PRMT5: variants seen among roughly 807,000 people sequenced by gnomAD.
The protein encoded by PRMT5 is protein arginine methyltransferase 5.
In PRMT5, 15 loss-of-function variants were observed where a neutral mutation model predicts 84.0. The observed-to-expected ratio is 0.18, with a 90% CI of 0.12 to 0.28. The LOEUF (loss-of-function observed/expected upper bound fraction) is 0.28. PRMT5 is among the 10% of genes least tolerant of loss of function. The pLI, the probability that PRMT5 is intolerant of heterozygous loss-of-function variation, is 1.00. For missense variants in PRMT5, 486 were observed against 808.0 expected (o/e 0.60, Z 4.83); for synonymous variants, 276 against 292.4 (o/e 0.94, Z 0.57).
In PRMT5 at chr14:22,924,215, G is replaced by A. The variant is rs751070119; in HGVS notation, c.1200-32C>T. 6.2e-7 allele frequency: 1 copy of A among 1,611,708 alleles called. No individual in the cohort carries two copies. The highest frequency in any genetic ancestry group is 1.1e-5 in the South Asian group (1 of 90,884). On this transcript the variant is annotated intron_variant, in intron 11 of 16. Transcript: ENST00000324366. This position sits in a 1 kb window ranked among gnomAD's most constrained non-coding sequence, Gnocchi z 6.5. ...CAGAGACAATAAGGTAAGGAGAGATGTTAAGGAAATTTGGCAATGAGGACT... is the reference window on the plus strand; with the variant it reads ...CAGAGACAATAAGGTAAGGAGAGATATTAAGGAAATTTGGCAATGAGGACT...
At chr14:22,922,686 G>C in intron 14 of PRMT5, 56 bp downstream of exon 14, 1 of 1,556,950 alleles carries the variant, frequency 6.4e-7, no homozygotes, top group Non-Finnish European at 8.9e-7. Flanking sequence ...AAGAAAGCAG[G>C]AGGAAGGAAG....
chr14:22,924,721 G>C lies in PRMT5; in HGVS notation c.940-12C>G. 1 of 1,612,824 alleles carries C rather than the reference G, an allele frequency of 6.2e-7. No homozygotes were observed. The highest frequency in any genetic ancestry group is 8.5e-7 in the Non-Finnish European group (1 of 1,179,206). ...TTGTCCATCAGTGGCTGATGAATGA[G>C]GAAAAGGACAAAGTTAGCCAGTTTC... On this transcript the variant is annotated splice_polypyrimidine_tract_variant and intron_variant, in intron 8 of 16. Transcript: ENST00000324366. This position sits in a 1 kb window ranked among gnomAD's most constrained non-coding sequence, Gnocchi z 6.5.
chr14:22,927,724 T>G, intron 3 of PRMT5, 64 bp from the exon 4 acceptor site: 1 of 1,482,018 alleles, frequency 6.7e-7, no homozygotes, highest in Non-Finnish European at 9.2e-7. Context: ...TTTTTTTTTT[T>G]TGAGACAAAG....
intron 3 of PRMT5, 27 bp from the exon 4 acceptor site, chr14:22,927,687 T>G (rs1273323273): frequency 4.4e-6 from 7 of 1,602,014 alleles, no homozygotes; most frequent in Non-Finnish European, 8.5e-7. Flanking sequence ...GAGGAAAAGT[T>G]TGAGCTAACA....
In PRMT5 at chr14:22,928,131, C is replaced by T. The variant is rs1271702337; in HGVS notation, c.310G>A (p.Glu104Lys). The T allele has an allele frequency of 6.2e-7, 1 of 1,613,948 alleles. No individual in the cohort carries two copies. The highest frequency in any genetic ancestry group is 8.5e-7 in the Non-Finnish European group (1 of 1,179,930). The change falls in exon 3 of 17, where the codon GAG becomes AAG. Residue 104 changes from glutamate (E) to lysine (K), a missense_variant. Glu to Lys is a moderately conservative substitution (Grantham distance 56). Around this residue, in one of 4 missense-constraint regions of PRMT5, gnomAD observed 215 missense variants for 301.1 expected, o/e 0.71. Transcript: ENST00000324366. This position sits in a 1 kb window ranked among gnomAD's most constrained non-coding sequence, Gnocchi z 4.8. ...SKVEKIRRNS[E>K]AAMLQELNFG... is the part of the protein sequence containing the mutation. Reference sequence around the variant, plus strand: ...GAGAAGTCAAACAGTCTTACCGCCTCGGAGTTCCTGCGAATCTTCTCCACT... The same window carrying T: ...GAGAAGTCAAACAGTCTTACCGCCTTGGAGTTCCTGCGAATCTTCTCCACT...
At chr14:22,921,756 A>G (rs1594508846) in intron 16 of PRMT5, among the ~76,000 whole-genome samples, 1 of 152,026 alleles carries the variant, frequency 6.6e-6, no homozygotes, top group South Asian at 2.1e-4. Flanking sequence ...GGTGGCTGGC[A>G]CCTGTAATCT....
In PRMT5 at chr14:22,920,928, G is replaced by A. The variant is rs754159350; in HGVS notation, c.1890C>T (p.Gly630=). ...GCTAGAGGCCAATGGTATATGAGCG[G>A]CCTGTGGGGTTATGAATAGCAGAAC... ...PVCSAIHNPT[G]RSYTIGL The change falls in exon 17 of 17, where the codon GGC becomes GGT. Residue 630 remains glycine (G), a synonymous_variant. Coordinates refer to ENST00000324366, the MANE Select transcript of PRMT5 (RefSeq NM_006109.5). 1 of 1,614,128 alleles carries A rather than the reference G, an allele frequency of 6.2e-7. No homozygotes were observed. The highest frequency in any genetic ancestry group is 1.7e-5 in the Admixed American group (1 of 60,006).
Position 22,923,060 on chromosome 14 carries a change from A to G in PRMT5, c.1476T>C (p.Arg492=), listed in dbSNP as rs1160264323. The G allele has an allele frequency of 5.0e-6, 8 of 1,609,700 alleles. No homozygotes were observed. Among genetic ancestry groups the G allele is most frequent in the Non-Finnish European group, 6.8e-6 (8 of 1,177,146 alleles). The change falls in exon 13 of 17, where the codon CGT becomes CGC. Residue 492 remains arginine (R), a synonymous_variant. Transcript: ENST00000324366. This position sits in a 1 kb window ranked among gnomAD's most constrained non-coding sequence, Gnocchi z 5.2. ...NEVRACREKD[R]DPEAQFEMPY... ...GAGAGTGGTTCTTTACCTCAGGGTCACGGTCCTTCTCCCTACAGGCTCGGA... is the reference window on the plus strand; with the variant it reads ...GAGAGTGGTTCTTTACCTCAGGGTCGCGGTCCTTCTCCCTACAGGCTCGGA...
rs1555354203 is a variant in PRMT5, at chr14:22,928,877, T to C, written c.111-262A>G. 4.6e-5 allele frequency among the ~76,000 whole-genome samples: 7 copies of C among 151,390 alleles called. No homozygotes were observed. On this transcript the variant is annotated intron_variant, in intron 1 of 16. Transcript: ENST00000324366. This position sits in a 1 kb window ranked among gnomAD's most constrained non-coding sequence, Gnocchi z 4.8. ...CAAGTAGAATTTTTTTCTCCTCAGG[T>C]GTCAGTATGTTTCCAAGACCATCAC...
chr14:22,926,049 G>T, intron 7 of PRMT5, 84 bp downstream of exon 7: 1 of 1,365,042 alleles, frequency 7.3e-7, no homozygotes. Flanking sequence ...AAAAGAGTCA[G>T]CCTCACAGGA....
Position 22,920,653 on chromosome 14 carries a change from G to T in PRMT5, c.*251C>A, listed in dbSNP as rs1173185623. The T allele has an allele frequency of 8.7e-6, 6 of 692,822 alleles. No individual in the cohort carries two copies. The highest frequency in any genetic ancestry group is 5.3e-5 in the African/African-American group (3 of 56,818). 42.9% of individuals were successfully genotyped at this position (692,822 alleles called of 1,614,324 possible). A position where few individuals can be genotyped will look rare whatever the true frequency, so the allele number is the denominator to read the frequency against. Reference sequence around the variant, plus strand: ...CAGGGATATTCCAGGGAGTTCTTGAGGCTGAGTGCGTAGCTTCAAATCCAG... The same window carrying T: ...CAGGGATATTCCAGGGAGTTCTTGATGCTGAGTGCGTAGCTTCAAATCCAG... On this transcript the variant is annotated 3_prime_UTR_variant, in exon 17 of 17. Coordinates refer to ENST00000324366, the MANE Select transcript of PRMT5 (RefSeq NM_006109.5).
At position 22,926,748 on chromosome 14, in the gene PRMT5, T is replaced by C. The variant is rs2044429248; in HGVS notation, c.517A>G (p.Thr173Ala). The change falls in exon 5 of 17, where the codon ACT (threonine) becomes GCT (alanine). Residue 173 changes from threonine (T) to alanine (A), a missense_variant. Thr to Ala is a moderately conservative substitution (Grantham distance 58, BLOSUM62 0). This residue lies in a region of PRMT5 where 215 missense variants were observed against 301.1 expected (regional missense o/e 0.71). Transcript: ENST00000324366. ...LRDDIIENAP[T>A]THTEEYSGEE... Reference sequence around the variant, plus strand: ...CCACTGTACTCCTCTGTGTGTGTAGTTGGTGCATTCTCAATTATATCATCT... The same window carrying C: ...CCACTGTACTCCTCTGTGTGTGTAGCTGGTGCATTCTCAATTATATCATCT... The C allele has an allele frequency of 1.2e-6, 2 of 1,614,060 alleles. No individual in the cohort carries two copies. The highest frequency in any genetic ancestry group is 1.7e-6 in the Non-Finnish European group (2 of 1,180,034).
At position 22,923,026 on chromosome 14, in the gene PRMT5, C is replaced by G; in HGVS notation, c.1485+25G>C. On this transcript the variant is annotated intron_variant, in intron 13 of 16. Transcript: ENST00000324366. This position sits in a 1 kb window ranked among gnomAD's most constrained non-coding sequence, Gnocchi z 5.2. ...AGAAGAGGACTAAAGAGTACCACTT[C>G]TTTCCAGAGAGAGTGGTTCTTTACC... 6.4e-7 allele frequency: 1 copy of G among 1,551,422 alleles called. No individual in the cohort carries two copies. The highest frequency in any genetic ancestry group is 2.2e-5 in the East Asian group (1 of 44,458).
At position 22,920,936 on chromosome 14, in the gene PRMT5, G is replaced by T; in HGVS notation, c.1882C>A (p.Pro628Thr). 1 of 1,614,210 alleles carries T rather than the reference G, an allele frequency of 6.2e-7. No homozygotes were observed. The highest frequency in any genetic ancestry group is 8.5e-7 in the Non-Finnish European group (1 of 1,180,038). The change falls in exon 17 of 17, where the codon CCC (proline) becomes ACC (threonine). Residue 628 changes from proline to threonine, a missense_variant. Physicochemically the swap from Pro to Thr is conservative, Grantham distance 38. Coordinates refer to ENST00000324366, the MANE Select transcript of PRMT5 (RefSeq NM_006109.5). ...CCAATGGTATATGAGCGGCCTGTGG[G>T]GTTATGAATAGCAGAACAGACTGGT... is the stretch of plus-strand genomic sequence containing the variant. ...TAPVCSAIHN[P>T]TGRSYTIGL
At position 22,926,782 on chromosome 14, in the gene PRMT5, C is replaced by G. The variant is rs201206132; in HGVS notation, c.483G>C (p.Glu161Asp). The G allele has an allele frequency of 4.1e-5, 66 of 1,614,024 alleles. No homozygotes were observed. Among genetic ancestry groups the G allele is most frequent in the Non-Finnish European group, 1.2e-5 (14 of 1,180,024 alleles). ...FWMRVPLVAP[E>D]DLRDDIIENA... is the part of the protein sequence containing the mutation. Reference sequence around the variant, plus strand: ...TCTCAATTATATCATCTCTCAGGTCCTCTGGTGCCACCAAGGGTACCCGCA... The same window carrying G: ...TCTCAATTATATCATCTCTCAGGTCGTCTGGTGCCACCAAGGGTACCCGCA... Residue 161 changes from glutamate (E) to aspartate (D), a missense_variant, in exon 5 of 17, where the codon GAG becomes GAC. This residue lies in a region of PRMT5 where 215 missense variants were observed against 301.1 expected (regional missense o/e 0.71). Coordinates refer to ENST00000324366, the MANE Select transcript of PRMT5 (RefSeq NM_006109.5).
In PRMT5 at chr14:22,920,991, C is replaced by G; in HGVS notation, c.1827G>C (p.Lys609Asn). The change falls in exon 17 of 17, where the codon AAG becomes AAC. Residue 609 changes from lysine (K) to asparagine (N), a missense_variant. Physicochemically the swap from Lys to Asn is moderately conservative, Grantham distance 94. Coordinates refer to ENST00000324366, the MANE Select transcript of PRMT5 (RefSeq NM_006109.5). ...TCACAGCCCACTCATACCACACCTTCTTGGAATTGCTGCATCGCCAGAAAC... is the reference window on the plus strand; with the variant it reads ...TCACAGCCCACTCATACCACACCTTGTTGGAATTGCTGCATCGCCAGAAAC... ...CVRFWRCSNS[K>N]KVWYEWAVTA... The G allele has an allele frequency of 6.2e-7, 1 of 1,614,214 alleles. No homozygotes were observed. Among genetic ancestry groups the G allele is most frequent in the South Asian group, 1.1e-5 (1 of 91,082 alleles).
In PRMT5 at chr14:22,926,779, G is replaced by A; in HGVS notation, c.486C>T (p.Asp162=). 6.2e-7 allele frequency: 1 copy of A among 1,613,990 alleles called. No individual in the cohort carries two copies. Among genetic ancestry groups the A allele is most frequent in the Non-Finnish European group, 8.5e-7 (1 of 1,180,000 alleles). ...WMRVPLVAPE[D]LRDDIIENAP... ...CATTCTCAATTATATCATCTCTCAG[G>A]TCCTCTGGTGCCACCAAGGGTACCC... Residue 162 remains aspartate, a synonymous_variant, in exon 5 of 17, where the codon GAC becomes GAT. Transcript: ENST00000324366.
intron 15 of PRMT5, 93 bp downstream of exon 15, chr14:22,922,350 T>TG: frequency 7.1e-7 from 1 of 1,408,658 alleles, no homozygotes; most frequent in South Asian, 1.2e-5. Context: ...CATTGAGCAC[T>TG]GGGCCCCCCA....
At chr14:22,925,893 T>A (rs1192745333) in intron 7 of PRMT5, among the ~76,000 whole-genome samples, 3 of 152,156 alleles carry the variant, frequency 2.0e-5, no homozygotes, top group Non-Finnish European at 4.4e-5. Context: ...TCATGGATCC[T>A]TGCTGTAACT....
Sources: gnomAD v4.1 joint callset for allele counts (sites outside exome capture counted in the v4.1 genomes callset) on GRCh38, gnomAD v4.1.1 for gene constraint, gnomAD v4.1.1 regional missense constraint, Gnocchi (gnomAD v3.1) non-coding constraint, MANE v1.5 for transcripts, NCBI Gene and HGNC (gene_info 2026-07-23, HGNC 2026-07-21) for gene names.